Variants in EIF2AK1 observed in about 807,000 individuals in gnomAD.
The protein encoded by EIF2AK1 is eukaryotic translation initiation factor 2-alpha kinase 1.
EIF2AK1 carries 54 observed loss-of-function variants against 77.9 expected under a neutral mutation model. That is an observed-to-expected ratio of 0.69 (90% CI 0.56 to 0.87). The LOEUF (loss-of-function observed/expected upper bound fraction) is 0.87, where lower values mean the gene tolerates loss of function less well. Among genes scored for constraint, EIF2AK1 ranks in the 40% least tolerant of loss-of-function variants. The probability of loss-of-function intolerance (pLI) is 0.00; values close to 1 mark genes in which losing one functional copy is unlikely to be tolerated. For missense variants in EIF2AK1, 810 were observed against 768.6 expected (o/e 1.05, Z -0.64); for synonymous variants, 314 against 290.5 (o/e 1.08, Z -0.82).
Position 6,047,107 on chromosome 7 carries a change from A to C in EIF2AK1, c.450-16T>G, listed in dbSNP as rs569079663. 4.2e-4 allele frequency: 679 copies of C among 1,599,398 alleles called. 11 individuals are homozygous for C. In the South Asian group the frequency reaches 7.0e-3, roughly 16 times the overall value. On this transcript the variant is annotated splice_polypyrimidine_tract_variant and intron_variant, in intron 4 of 14. Coordinates refer to ENST00000199389, the MANE Select transcript of EIF2AK1 (RefSeq NM_014413.4). ...TTCCCTTGATCTGAAAGTTAAATAC[A>C]AACAATCAATATTAAAACATGAGAG...
intron 2 of EIF2AK1, among the ~76,000 whole-genome samples, chr7:6,052,918 G>A (rs887989941): frequency 9.9e-5 from 15 of 151,866 alleles, no homozygotes; most frequent in African/African-American, 2.9e-4. Context: ...AGCGGAAATC[G>A]CGCCAATGCA....
At chr7:6,056,889 T>G (rs912827231) in intron 1 of EIF2AK1, among the ~76,000 whole-genome samples, 3 of 151,720 alleles carry the variant, frequency 2.0e-5, no homozygotes, top group Non-Finnish European at 4.4e-5. Flanking sequence ...ACCTTATATG[T>G]GGGGAAAAAG....
At chr7:6,049,103 G>A (rs957770713) in intron 3 of EIF2AK1, among the ~76,000 whole-genome samples, 7 of 151,992 alleles carry the variant, frequency 4.6e-5, no homozygotes, top group Admixed American at 2.0e-4. Context: ...CACCTCTCTC[G>A]CGTGTATGGT....
In EIF2AK1 at chr7:6,037,453, T is replaced by C. The variant is rs1227751870; in HGVS notation, c.1303A>G (p.Asn435Asp). The C allele has an allele frequency of 6.2e-7, 1 of 1,613,232 alleles. No individual in the cohort carries two copies. The highest frequency in any genetic ancestry group is 8.5e-7 in the Non-Finnish European group (1 of 1,179,494). ...AGATCTCGGTGCACAATTCCCATGT[T>C]ATGTATGTAAAACACACCTTCTACC... ...ELVEGVFYIH[N>D]MGIVHRDLKP... The change falls in exon 11 of 15, where the codon AAC becomes GAC. Residue 435 changes from asparagine (N) to aspartate (D), a missense_variant. Asn to Asp is a conservative substitution (Grantham distance 23). Around this residue, in one of 3 missense-constraint regions of EIF2AK1, gnomAD observed 549 missense variants for 533.7 expected, o/e 1.03. Coordinates refer to ENST00000199389, the MANE Select transcript of EIF2AK1 (RefSeq NM_014413.4).
chr7:6,039,372 A>T (rs573773776), intron 9 of EIF2AK1, among the ~76,000 whole-genome samples: 26 of 152,264 alleles, frequency 1.7e-4, no homozygotes, highest in Middle Eastern at 3.4e-3. Context: ...CTGTAATCCC[A>T]GCATCTTGGA....
chr7:6,051,096 C>T (rs852154), intron 2 of EIF2AK1, among the ~76,000 whole-genome samples: 60,697 of 151,848 alleles, frequency 0.4, 12,467 homozygotes, highest in Middle Eastern at 0.54. Context: ...TGAGAACTTA[C>T]AACAAAAGTG....
At chr7:6,025,782 G>C (rs1473563700) in intron 14 of EIF2AK1, among the ~76,000 whole-genome samples, 3 of 151,950 alleles carry the variant, frequency 2.0e-5, no homozygotes, top group Non-Finnish European at 4.4e-5. Context: ...TTACAGGTGT[G>C]CACCACCACG....
At chr7:6,054,752 T>G in intron 1 of EIF2AK1, 48 bp from the exon 2 acceptor site, 1 of 1,525,214 alleles carries the variant, frequency 6.6e-7, no homozygotes, top group Non-Finnish European at 9.0e-7. Flanking sequence ...TAAACCTGTC[T>G]CATAATGACA....
chr7:6,023,903 G>T lies in EIF2AK1; in HGVS notation c.*770C>A. The T allele has an allele frequency of 2.0e-6, 3 of 1,501,172 alleles. No individual in the cohort carries two copies. The highest frequency in any genetic ancestry group is 2.4e-5 in the South Asian group (2 of 82,838). 93.0% of individuals were successfully genotyped at this position (1,501,172 alleles called of 1,614,324 possible). A position where few individuals can be genotyped will look rare whatever the true frequency, so the allele number is the denominator to read the frequency against. ...TACCGTGATGACTGCCAACTCCATG[G>T]CAGACCCTTTCTGGGATTCAAAAAC... On this transcript the variant is annotated 3_prime_UTR_variant, in exon 15 of 15. Coordinates refer to ENST00000199389, the MANE Select transcript of EIF2AK1 (RefSeq NM_014413.4).
intron 2 of EIF2AK1, among the ~76,000 whole-genome samples, chr7:6,050,247 G>A (rs1350195895): frequency 6.6e-6 from 1 of 152,188 alleles, no homozygotes; most frequent in African/African-American, 2.4e-5. Flanking sequence ...GACAGAGAGT[G>A]CAGTGACAAC....
chr7:6,046,033 C>A, intron 6 of EIF2AK1, 38 bp downstream of exon 6: 1 of 1,331,516 alleles, frequency 7.5e-7, no homozygotes, highest in Non-Finnish European at 1.0e-6. Flanking sequence ...GAACTAAATA[C>A]ACAATTATTC....
At chr7:6,031,316 A>G in intron 11 of EIF2AK1, 3 of 1,449,142 alleles carry the variant, frequency 2.1e-6, no homozygotes, top group Non-Finnish European at 2.8e-6. Flanking sequence ...ATCATCACAA[A>G]GAGACTGAAA....
chr7:6,038,817 A>C (rs1788183545), intron 9 of EIF2AK1, 146 bp from the exon 10 acceptor site: 2 of 564,662 alleles, frequency 3.5e-6, no homozygotes, highest in Middle Eastern at 2.8e-4. Context: ...TCTCTTTGCA[A>C]GACAGAAGTG....
intron 11 of EIF2AK1, among the ~76,000 whole-genome samples, chr7:6,037,146 G>A (rs535814111): frequency 2.6e-5 from 4 of 152,006 alleles, no homozygotes; most frequent in African/African-American, 7.2e-5. Flanking sequence ...TGGGAGGATC[G>A]CTTGAGCCTG....
At chr7:6,026,287 G>A in intron 14 of EIF2AK1, 1 of 381,086 alleles carries the variant, frequency 2.6e-6, no homozygotes, top group East Asian at 7.3e-5. Flanking sequence ...CAGACATACA[G>A]ACAGCCCAGA....
chr7:6,032,736 G>A lies in EIF2AK1; in HGVS notation c.1333-3704C>T. 2.2e-6 allele frequency: 2 copies of A among 892,998 alleles called. No homozygotes were observed. Among genetic ancestry groups the A allele is most frequent in the Non-Finnish European group, 3.4e-6 (2 of 580,130 alleles). 55.3% of individuals were successfully genotyped at this position (892,998 alleles called of 1,614,324 possible). On this transcript the variant is annotated intron_variant, in intron 11 of 14. Transcript: ENST00000199389. The surrounding 1 kb of genome is among the most constrained non-coding windows in gnomAD (Gnocchi z 4.3). ...CATACCAGAAAAAGAGTGAGCCAAT[G>A]AGACACTAAATAAATGTATTGCCTT...
chr7:6,056,613 A>AAAAATAT lies in EIF2AK1; in HGVS notation c.119-1910_119-1909insATATTTT. Among the ~76,000 whole-genome samples the AAAAATAT allele has an allele frequency of 2.5e-4, 11 of 43,736 alleles. No individual in the cohort carries two copies. The South Asian group carries it at 8.1e-3, about 32-fold the overall frequency. 28.7% of individuals were successfully genotyped at this position (43,736 alleles called of 152,430 possible). On this transcript the variant is annotated intron_variant, in intron 1 of 14. Transcript: ENST00000199389. ...CATCTCAAGGGAAAAAAAAAAAAAA[A>AAAAATAT]ATATATATATATATATATATATAAA... is the stretch of plus-strand genomic sequence containing the variant.
chr7:6,029,097 T>A, intron 11 of EIF2AK1, 65 bp from the exon 12 acceptor site: 1 of 1,319,092 alleles, frequency 7.6e-7, no homozygotes, highest in South Asian at 1.3e-5. Context: ...ATCTTGTAAA[T>A]GTTTTTAAGT....
intron 1 of EIF2AK1, 85 bp downstream of exon 1, chr7:6,058,881 G>A: frequency 7.9e-7 from 1 of 1,271,296 alleles, no homozygotes; most frequent in Non-Finnish European, 1.0e-6. Flanking sequence ...CAGGTCCTCA[G>A]GCAAACCTCA....
Sources: allele counts gnomAD v4.1 joint callset (sites outside exome capture counted in the v4.1 genomes callset), GRCh38; gene constraint gnomAD v4.1.1; regional missense constraint gnomAD v4.1.1; non-coding constraint Gnocchi (gnomAD v3.1); transcripts MANE v1.5; gene names NCBI Gene and HGNC (gene_info 2026-07-23, HGNC 2026-07-21).